The following TLN2 variants were observed in gnomAD, a reference collection of about 807,000 sequenced individuals.
TLN2 encodes talin-2.
A neutral mutation model predicts 294.7 loss-of-function variants in TLN2; 118 were observed. The ratio of observed to expected loss-of-function variants is 0.40; its 90% confidence interval spans 0.34 to 0.47. The LOEUF (loss-of-function observed/expected upper bound fraction) is 0.47, where lower values mean the gene tolerates loss of function less well. TLN2 is among the 20% of genes least tolerant of loss of function. TLN2 has a pLI of 0.84. For missense variants in TLN2, 3,083 were observed against 3,282.2 expected, an observed-to-expected ratio of 0.94 and a Z score of 1.48; for synonymous variants, 1,431 against 1,304.5, an observed-to-expected ratio of 1.10 and a Z score of -2.09.
At chr15:62,604,694 CTTT>C (rs59233796) in intron 2 of TLN2, among the ~76,000 whole-genome samples, 8 of 137,750 alleles carry the variant, frequency 5.8e-5, no homozygotes, top group South Asian at 2.4e-4. Context: ...TCTTCGTCTT[CTTT>C]TTTTTTTTTT....
chr15:62,514,053 A>G (rs2040065037), intron 1 of TLN2, among the ~76,000 whole-genome samples: 1 of 152,266 alleles, frequency 6.6e-6, no homozygotes, highest in Non-Finnish European at 1.5e-5. Context: ...ATAACTTGAA[A>G]GACACAACTT....
chr15:62,771,159 C>T (rs753550408), intron 42 of TLN2, 25 bp downstream of exon 42: 17 of 1,563,746 alleles, frequency 1.1e-5, no homozygotes, highest in Non-Finnish European at 1.5e-5. Context: ...ATCGGGGACT[C>T]ACTTAGGACC....
intron 9 of TLN2, among the ~76,000 whole-genome samples, chr15:62,669,301 C>T (rs934856272): frequency 1.3e-5 from 2 of 152,168 alleles, no homozygotes; most frequent in African/African-American, 4.8e-5. Context: ...CCAGCTGCAA[C>T]AAATTGGAGA....
chr15:62,449,159 G>A (rs969875115), intron 1 of TLN2, among the ~76,000 whole-genome samples: 11 of 152,152 alleles, frequency 7.2e-5, no homozygotes, highest in South Asian at 2.1e-4. Context: ...GGCTTAACTC[G>A]TCAACAGAAG....
chr15:62,649,454 C>T (rs377615627), intron 4 of TLN2, among the ~76,000 whole-genome samples: 90 of 152,244 alleles, frequency 5.9e-4, no homozygotes, highest in African/African-American at 2.1e-3. Context: ...AATGGTACTG[C>T]TCCTCTCCTG....
At chr15:62,784,056 A>G in intron 45 of TLN2, 166 bp downstream of exon 45, 1 of 1,232,278 alleles carries the variant, frequency 8.1e-7, no homozygotes, top group Non-Finnish European at 1.1e-6. Flanking sequence ...AGGTAGCCCC[A>G]GGCTGTACTC....
intron 1 of TLN2, among the ~76,000 whole-genome samples, chr15:62,464,266 C>A (rs1261893258): frequency 3.9e-5 from 6 of 152,188 alleles, no homozygotes; most frequent in African/African-American, 1.4e-4. Flanking sequence ...AGTTCATGTC[C>A]TTTGCAGGGA....
At chr15:62,790,843 C>A (rs920836589) in intron 45 of TLN2, among the ~76,000 whole-genome samples, 1 of 152,208 alleles carries the variant, frequency 6.6e-6, no homozygotes, top group Non-Finnish European at 1.5e-5. Context: ...GTGTTTTTCC[C>A]GCCTCAGCGG....
At chr15:62,528,690 T>TTTTA (rs373017151) in intron 1 of TLN2, among the ~76,000 whole-genome samples, 33 of 138,652 alleles carry the variant, frequency 2.4e-4, no homozygotes, top group African/African-American at 8.7e-4. Flanking sequence ...TTTTTTTTTT[T>TTTTA]GGCATGTCTC....
rs2061690162 is a variant in TLN2, at chr15:62,747,682, G to A, written c.4026-669G>A. On this transcript the variant is annotated intron_variant, in intron 32 of 58. Coordinates refer to ENST00000636159, the MANE Select transcript of TLN2 (RefSeq NM_015059.3). Reference sequence around the variant, plus strand: ...GGACCCTTGACCAATGCAAAGGTTAGGGGCACCGACCCCTGCACAGTCAAA... The same window carrying A: ...GGACCCTTGACCAATGCAAAGGTTAAGGGCACCGACCCCTGCACAGTCAAA... Among the ~76,000 whole-genome samples, 3 of 152,120 alleles carry A rather than the reference G, an allele frequency of 2.0e-5. No homozygotes were observed. In the South Asian group the frequency reaches 6.2e-4, roughly 32 times the overall value.
intron 51 of TLN2, 44 bp downstream of exon 51, chr15:62,805,829 T>A (rs1424763324): frequency 3.2e-6 from 5 of 1,586,224 alleles, no homozygotes; most frequent in East Asian, 2.2e-5. Flanking sequence ...TGATTCTCTG[T>A]CGTGACTGGG....
chr15:62,761,804 G>A lies in TLN2; in HGVS notation c.4762G>A (p.Ala1588Thr). ...ASNPEFVSIP[A>T]QISSEGSQAQ... is the part of the protein sequence containing the mutation. ...AAACCCTGAGTTTGTCAGCATTCCT[G>A]CCCAGATCAGCTCCGAGGTAGGGAG... Residue 1588 changes from alanine (A) to threonine (T), a missense_variant, in exon 38 of 59, where the codon GCC (alanine) becomes ACC (threonine). Ala to Thr is a moderately conservative substitution (Grantham distance 58). Coordinates refer to ENST00000636159, the MANE Select transcript of TLN2 (RefSeq NM_015059.3). 2 of 1,614,102 alleles carry A rather than the reference G, an allele frequency of 1.2e-6. No homozygotes were observed. Among genetic ancestry groups the A allele is most frequent in the Non-Finnish European group, 1.7e-6 (2 of 1,180,020 alleles).
At position 62,683,436 on chromosome 15, in the gene TLN2, C is replaced by T. The variant is rs144746374; in HGVS notation, c.958-3205C>T. ...CATTGGTAGAATGCCTGCATTCTCC[C>T]GCCTCTCATTGGTAGAATGCCTGCA... is the stretch of plus-strand genomic sequence containing the variant. On this transcript the variant is annotated intron_variant, in intron 11 of 58. Coordinates refer to ENST00000636159, the MANE Select transcript of TLN2 (RefSeq NM_015059.3). 2.4e-3 allele frequency among the ~76,000 whole-genome samples: 351 copies of T among 145,144 alleles called. 2 individuals are homozygous for T. The highest frequency in any genetic ancestry group is 8.5e-3 in the African/African-American group (322 of 38,046).
At chr15:62,484,841 G>GT in intron 1 of TLN2, among the ~76,000 whole-genome samples, 1 of 152,322 alleles carries the variant, frequency 6.6e-6, no homozygotes, top group Non-Finnish European at 1.5e-5. Context: ...TGGTGATGGA[G>GT]TAGGGTCTGC....
chr15:62,488,306 C>T (rs28400346), intron 1 of TLN2, among the ~76,000 whole-genome samples: 2,081 of 152,136 alleles, frequency 0.014, 53 homozygotes, highest in African/African-American at 0.048. Flanking sequence ...CCTGATCTGC[C>T]GAAGGAGTAC....
At chr15:62,826,928 C>T (rs2068267206) in intron 54 of TLN2, among the ~76,000 whole-genome samples, 1 of 152,126 alleles carries the variant, frequency 6.6e-6, no homozygotes. Context: ...TTTTTAGTAG[C>T]AGGCATTCTG....
At chr15:62,826,925 TAGCAG>T (rs2068266789) in intron 54 of TLN2, among the ~76,000 whole-genome samples, 2 of 152,176 alleles carry the variant, frequency 1.3e-5, no homozygotes, top group Non-Finnish European at 2.9e-5. Flanking sequence ...TTATTTTTAG[TAGCAG>T]GCATTCTGCA....
chr15:62,589,085 C>T (rs1247569752), intron 1 of TLN2, among the ~76,000 whole-genome samples: 3 of 152,054 alleles, frequency 2.0e-5, no homozygotes, highest in African/African-American at 4.8e-5. Flanking sequence ...TCGTAGATAA[C>T]GTGTGTGTGT....
intron 58 of TLN2, among the ~76,000 whole-genome samples, chr15:62,839,811 G>C (rs963943144): frequency 1.3e-5 from 2 of 152,226 alleles, no homozygotes; most frequent in African/African-American, 2.4e-5. Context: ...TCACAGAGAA[G>C]GGGCTCTGAT....
Sources: allele counts gnomAD v4.1 joint callset (sites outside exome capture counted in the v4.1 genomes callset), GRCh38; gene constraint gnomAD v4.1.1; transcripts MANE v1.5; gene names NCBI Gene and HGNC (gene_info 2026-07-23, HGNC 2026-07-21).